PCSK2: variants seen among roughly 807,000 people sequenced by gnomAD.
PCSK2 encodes neuroendocrine convertase 2.
PCSK2 carries 14 observed loss-of-function variants against 69.7 expected under a neutral mutation model. That is an observed-to-expected ratio of 0.20 (90% CI 0.13 to 0.31). The LOEUF is 0.31. Ranked by LOEUF, PCSK2 falls within the 10% of genes least tolerant of loss-of-function variation. The pLI, the probability that PCSK2 is intolerant of heterozygous loss-of-function variation, is 1.00. For missense variants in PCSK2, 544 were observed against 842.5 expected (o/e 0.65, Z 4.39); for synonymous variants, 307 against 320.7 (o/e 0.96, Z 0.46).
intron 2 of PCSK2, among the ~76,000 whole-genome samples, chr20:17,279,292 T>G (rs1265513943): frequency 6.6e-6 from 1 of 152,214 alleles, no homozygotes; most frequent in Non-Finnish European, 1.5e-5. Context: ...AATTTGCAAG[T>G]GTTTCTCTGT....
At chr20:17,266,401 G>C (rs894201205) in intron 2 of PCSK2, among the ~76,000 whole-genome samples, 2 of 152,190 alleles carry the variant, frequency 1.3e-5, no homozygotes, top group Admixed American at 6.5e-5. Flanking sequence ...AATGGGACAC[G>C]ACCAGGGTCC....
At chr20:17,305,628 T>C (rs1030757418) in intron 2 of PCSK2, among the ~76,000 whole-genome samples, 15 of 152,224 alleles carry the variant, frequency 9.9e-5, no homozygotes, top group East Asian at 3.8e-4. Flanking sequence ...AAGGTCATTA[T>C]GAGAATTTAA....
At chr20:17,379,045 G>A (rs1242041648) in intron 5 of PCSK2, among the ~76,000 whole-genome samples, 1 of 152,142 alleles carries the variant, frequency 6.6e-6, no homozygotes, top group Admixed American at 6.6e-5. Flanking sequence ...CCTGGCTACA[G>A]CTGTGGTTCA....
chr20:17,387,667 G>GTA (rs1190718413), intron 5 of PCSK2, among the ~76,000 whole-genome samples: 1 of 152,154 alleles, frequency 6.6e-6, no homozygotes, highest in Non-Finnish European at 1.5e-5. Context: ...CCACAATTTT[G>GTA]AAATGTCCTA....
intron 2 of PCSK2, among the ~76,000 whole-genome samples, chr20:17,283,546 G>T (rs1226534232): frequency 6.6e-6 from 1 of 152,068 alleles, no homozygotes; most frequent in East Asian, 1.9e-4. Context: ...GCTGAGGCTG[G>T]GCTTCCATAC....
chr20:17,310,149 C>T (rs1455295067), intron 2 of PCSK2, among the ~76,000 whole-genome samples: 2 of 152,138 alleles, frequency 1.3e-5, no homozygotes, highest in African/African-American at 4.8e-5. Flanking sequence ...AGAACTCACT[C>T]GCTATCATGA....
At position 17,338,170 on chromosome 20, in the gene PCSK2, T is replaced by TGGG. The variant is rs765753082; in HGVS notation, c.283-20157_283-20156insGGG. Among the ~76,000 whole-genome samples the TGGG allele has an allele frequency of 1.2e-3, 116 of 99,724 alleles. 1 individual carries two copies. The highest frequency in any genetic ancestry group is 3.8e-3 in the African/African-American group (107 of 28,106). 65.4% of individuals were successfully genotyped at this position (99,724 alleles called of 152,430 possible). A position where few individuals can be genotyped will look rare whatever the true frequency, so the allele number is the denominator to read the frequency against. ...TCTGAGAAGAAACCTTACATTTTTT[T>TGGG]TGGGGGGGGGGGTTGTGTTTTTGTT... is the stretch of plus-strand genomic sequence containing the variant. On this transcript the variant is annotated intron_variant, in intron 2 of 11. Coordinates refer to ENST00000262545, the MANE Select transcript of PCSK2 (RefSeq NM_002594.5).
At position 17,468,269 on chromosome 20, in the gene PCSK2, C is replaced by A. The variant is rs2033138716; in HGVS notation, c.1430+2716C>A. ...GTCCTGCCGTAGACGGGCAGCCCAC[C>A]ATAGGCCAGCATCATTCCACAGGCC... On this transcript the variant is annotated intron_variant, in intron 11 of 11. Transcript: ENST00000262545. 2.7e-5 allele frequency among the ~76,000 whole-genome samples: 4 copies of A among 146,410 alleles called. No homozygotes were observed. The South Asian group carries it at 8.6e-4, about 31-fold the overall frequency.
intron 4 of PCSK2, among the ~76,000 whole-genome samples, chr20:17,364,901 T>G (rs1238111722): frequency 6.6e-6 from 1 of 152,168 alleles, no homozygotes; most frequent in Admixed American, 6.5e-5. Context: ...TGGTTGCCAC[T>G]GGAGCTCAGC....
At chr20:17,348,690 T>A (rs1407554932) in intron 2 of PCSK2, among the ~76,000 whole-genome samples, 1 of 152,244 alleles carries the variant, frequency 6.6e-6, no homozygotes, top group African/African-American at 2.4e-5. Context: ...GGGAAGGACC[T>A]GTTCCAGGCT....
chr20:17,282,656 G>T (rs553965113), intron 2 of PCSK2, among the ~76,000 whole-genome samples: 1 of 145,552 alleles, frequency 6.9e-6, no homozygotes, highest in African/African-American at 2.4e-5. Flanking sequence ...AAAGGAAAGA[G>T]ATTTTTTTTT....
intron 8 of PCSK2, among the ~76,000 whole-genome samples, chr20:17,452,435 G>A (rs1009228434): frequency 6.6e-6 from 1 of 152,210 alleles, no homozygotes; most frequent in African/African-American, 2.4e-5. Flanking sequence ...TGTTAGAAGT[G>A]ATTGAAAATG....
intron 2 of PCSK2, among the ~76,000 whole-genome samples, chr20:17,302,130 C>T (rs1360821478): frequency 6.6e-6 from 1 of 151,978 alleles, no homozygotes; most frequent in African/African-American, 2.4e-5. Context: ...TCAGGCAACC[C>T]CAGGCCTTGA....
Position 17,358,491 on chromosome 20 carries a change from A to G in PCSK2, c.396+51A>G, listed in dbSNP as rs2030284186. On this transcript the variant is annotated intron_variant, in intron 3 of 11. Transcript: ENST00000262545. ...CATTTCCCATCTTGAGACTCTGGAT[A>G]AAAGATGAATTCCTGTATCCTCATT... 3.5e-5 allele frequency: 35 copies of G among 1,002,522 alleles called. No individual in the cohort carries two copies. In the East Asian group the frequency reaches 8.5e-4, roughly 24 times the overall value. The allele number at this position is 1,002,522 out of a possible 1,614,324, so 62.1% of individuals were successfully genotyped here. A position where few individuals can be genotyped will look rare whatever the true frequency, so the allele number is the denominator to read the frequency against.
At chr20:17,415,582 A>C (rs998585699) in intron 6 of PCSK2, among the ~76,000 whole-genome samples, 69 of 152,230 alleles carry the variant, frequency 4.5e-4, no homozygotes, top group Non-Finnish European at 1.3e-4. Flanking sequence ...GGAAGAATGA[A>C]TATCATGGAA....
intron 2 of PCSK2, among the ~76,000 whole-genome samples, chr20:17,268,736 G>A (rs866022137): frequency 6.6e-6 from 1 of 152,140 alleles, no homozygotes; most frequent in African/African-American, 2.4e-5. Flanking sequence ...CTGTGCCTAT[G>A]GGCAAATAAT....
At chr20:17,444,348 T>C (rs2269017) in intron 8 of PCSK2, among the ~76,000 whole-genome samples, 101,000 of 152,154 alleles carry the variant, frequency 0.66, 33,888 homozygotes, top group African/African-American at 0.75. Context: ...AGTTGTCTGA[T>C]GGCTGCTTCA....
chr20:17,250,981 T>A lies in PCSK2; in HGVS notation c.178-9259T>A, dbSNP rs143001791. 2.2e-4 allele frequency among the ~76,000 whole-genome samples: 33 copies of A among 152,162 alleles called. No homozygotes were observed. The East Asian group carries it at 5.4e-3, about 25-fold the overall frequency. ...CAGGTGTGGAAGTAGGTGCCTGTAA[T>A]CCCAGCTACTCGGGCGGCTGAGGCA... is the stretch of plus-strand genomic sequence containing the variant. On this transcript the variant is annotated intron_variant, in intron 1 of 11. Coordinates refer to ENST00000262545, the MANE Select transcript of PCSK2 (RefSeq NM_002594.5).
At chr20:17,241,929 AT>A (rs1986591709) in intron 1 of PCSK2, among the ~76,000 whole-genome samples, 1 of 152,198 alleles carries the variant, frequency 6.6e-6, no homozygotes, top group Non-Finnish European at 1.5e-5. Context: ...GGAATGATAT[AT>A]GGAAATGTTG....
Sources: gnomAD v4.1 joint callset for allele counts (sites outside exome capture counted in the v4.1 genomes callset) on GRCh38, gnomAD v4.1.1 for gene constraint, MANE v1.5 for transcripts, NCBI Gene and HGNC (gene_info 2026-07-23, HGNC 2026-07-21) for gene names.